NRG2: variants seen among roughly 807,000 people sequenced by gnomAD.
NRG2 encodes neuregulin 2.
A neutral mutation model predicts 73.9 loss-of-function variants in NRG2; 27 were observed. The observed-to-expected ratio is 0.37, with a 90% CI of 0.27 to 0.50. The LOEUF is 0.50. NRG2 is among the 20% of genes least tolerant of loss of function. The pLI, the probability that NRG2 is intolerant of heterozygous loss-of-function variation, is 0.96. For synonymous variants in NRG2, 532 were observed against 541.0 expected (o/e 0.98, Z 0.23); for missense variants, 1,126 against 1,210.1 (o/e 0.93, Z 1.03).
intron 1 of NRG2, among the ~76,000 whole-genome samples, chr5:139,896,496 T>C (rs1764549612): frequency 6.6e-6 from 1 of 152,100 alleles, no homozygotes; most frequent in South Asian, 2.1e-4. Context: ...AATGTGGTCC[T>C]TGTGGTCCTG....
intron 1 of NRG2, among the ~76,000 whole-genome samples, chr5:139,977,788 C>T (rs1331897934): frequency 9.2e-5 from 14 of 152,170 alleles, no homozygotes; most frequent in Non-Finnish European, 1.2e-4. Flanking sequence ...GAAATAATGC[C>T]GCGTATCTAC....
chr5:140,041,368 A>G (rs1038318028), intron 1 of NRG2, among the ~76,000 whole-genome samples: 1 of 152,246 alleles, frequency 6.6e-6, no homozygotes, highest in Non-Finnish European at 1.5e-5. Flanking sequence ...GATTTGAAAT[A>G]TCTTACTAAG....
rs1343634150 is a variant in NRG2 at position 139,915,752 on chromosome 5, A to G, written c.701-28241T>C. Among the ~76,000 whole-genome samples, 4 of 152,266 alleles carry G rather than the reference A, an allele frequency of 2.6e-5. No individual in the cohort carries two copies. The highest frequency in any genetic ancestry group is 5.9e-5 in the Non-Finnish European group (4 of 68,042). On this transcript the variant is annotated intron_variant, in intron 1 of 9. Coordinates refer to ENST00000361474, the MANE Select transcript of NRG2 (RefSeq NM_004883.3). This position sits in a 1 kb window ranked among gnomAD's most constrained non-coding sequence, Gnocchi z 4.0. The stretch of plus-strand genomic sequence containing the variant: ...GTAAATTCTAGACGATCAGCTAGTT[A>G]AAATGAAAGGAAGGATCATGGTGAC...
intron 4 of NRG2, 98 bp downstream of exon 4, chr5:139,871,623 C>G: frequency 1.3e-6 from 2 of 1,512,784 alleles, no homozygotes; most frequent in Non-Finnish European, 1.8e-6. Flanking sequence ...GACCTCTTGT[C>G]AGTGGCTTGG....
intron 1 of NRG2, among the ~76,000 whole-genome samples, chr5:139,992,558 C>T (rs911101934): frequency 1.3e-5 from 2 of 152,116 alleles, no homozygotes; most frequent in Non-Finnish European, 2.9e-5. Context: ...ACTAACACGT[C>T]CTTATGTAGA....
Position 140,029,687 on chromosome 5 carries a change from C to CAAAAAAAAAA in NRG2, c.700+12673_700+12682dup, listed in dbSNP as rs34122778. 3.3e-3 allele frequency among the ~76,000 whole-genome samples: 204 copies of CAAAAAAAAAA among 61,206 alleles called. 11 individuals carry two copies. Among genetic ancestry groups the CAAAAAAAAAA allele is most frequent in the African/African-American group, 4.2e-3 (77 of 18,464 alleles). The allele number at this position is 61,206 out of a possible 152,430, so 40.2% of individuals were successfully genotyped here. A position where few individuals can be genotyped will look rare whatever the true frequency, so the allele number is the denominator to read the frequency against. ...TGGGTGACAGAGCAAGACTCTGTCT[C>CAAAAAAAAAA]AAAAAAAAAAAAAAAAGCTCCAGCG... On this transcript the variant is annotated intron_variant, in intron 1 of 9. Transcript: ENST00000361474.
chr5:140,033,998 A>G (rs1258468727), intron 1 of NRG2, among the ~76,000 whole-genome samples: 2 of 150,460 alleles, frequency 1.3e-5, no homozygotes, highest in Non-Finnish European at 3.0e-5. Flanking sequence ...TCGCTCTATC[A>G]CCCAGGCTGC....
intron 1 of NRG2, among the ~76,000 whole-genome samples, chr5:139,890,362 A>G (rs563654657): frequency 3.9e-5 from 6 of 152,218 alleles, no homozygotes; most frequent in African/African-American, 1.4e-4. Context: ...TATAAATATT[A>G]AGGCTATTAA....
intron 1 of NRG2, among the ~76,000 whole-genome samples, chr5:140,018,416 A>C (rs1404280482): frequency 6.6e-6 from 1 of 152,226 alleles, no homozygotes; most frequent in African/African-American, 2.4e-5. Flanking sequence ...TCGTATGGTA[A>C]CTTTAGAAGA....
chr5:140,038,730 T>C (rs1761690448), intron 1 of NRG2, among the ~76,000 whole-genome samples: 1 of 152,184 alleles, frequency 6.6e-6, no homozygotes, highest in Non-Finnish European at 1.5e-5. Context: ...AAAGATAAGC[T>C]ATTGTTCCTA....
At chr5:139,938,883 G>GGAAAGAAA (rs1376260476) in intron 1 of NRG2, among the ~76,000 whole-genome samples, 1 of 48,168 alleles carries the variant, frequency 2.1e-5, no homozygotes, top group Admixed American at 2.4e-4. Context: ...AGAGAGAGAA[G>GGAAAGAAA]GAAAGAAAGA....
rs76122349 is a variant in NRG2, at chr5:140,014,902, C to T, written c.700+27468G>A. 2.2e-3 allele frequency among the ~76,000 whole-genome samples: 335 copies of T among 152,376 alleles called. 1 individual carries two copies. Among genetic ancestry groups the T allele is most frequent in the African/African-American group, 7.3e-3 (305 of 41,596 alleles). ...CAAGGCCCTATTTGATCTGGCACCACTGCTGCTCTAAACTCCGCTCATTCT... is the reference window on the plus strand; with the variant it reads ...CAAGGCCCTATTTGATCTGGCACCATTGCTGCTCTAAACTCCGCTCATTCT... On this transcript the variant is annotated intron_variant, in intron 1 of 9. Transcript: ENST00000361474.
At chr5:139,874,976 A>G (rs1179621487) in intron 3 of NRG2, among the ~76,000 whole-genome samples, 1 of 152,208 alleles carries the variant, frequency 6.6e-6, no homozygotes, top group African/African-American at 2.4e-5. Flanking sequence ...ACTTATAGCT[A>G]TTCTAGCATA....
Position 139,952,594 on chromosome 5 carries a change from G to A in NRG2, c.701-65083C>T, listed in dbSNP as rs897074283. ...TCCCACTAGCCTGTCTGGGCTGGAA[G>A]CAGGGAACCTGATATTTACATACCT... On this transcript the variant is annotated intron_variant, in intron 1 of 9. Transcript: ENST00000361474. Among the ~76,000 whole-genome samples, 4 of 152,218 alleles carry A rather than the reference G, an allele frequency of 2.6e-5. No homozygotes were observed. The South Asian group carries it at 8.3e-4, about 32-fold the overall frequency.
chr5:139,938,953 GAAAGAAAAAA>G (rs1561694120), intron 1 of NRG2, among the ~76,000 whole-genome samples: 43 of 105,276 alleles, frequency 4.1e-4, no homozygotes, highest in African/African-American at 1.7e-3. Context: ...AAGAAAGAAA[GAAAGAAAAAA>G]GAAGGAAGGA....
At chr5:140,014,296 G>C (rs775597648) in intron 1 of NRG2, among the ~76,000 whole-genome samples, 6 of 151,998 alleles carry the variant, frequency 3.9e-5, no homozygotes, top group African/African-American at 9.7e-5. Context: ...CAGTGTAGTG[G>C]TGAAATCTCG....
chr5:140,002,110 G>C (rs1758535126), intron 1 of NRG2, among the ~76,000 whole-genome samples: 1 of 152,084 alleles, frequency 6.6e-6, no homozygotes, highest in Non-Finnish European at 1.5e-5. Flanking sequence ...CTTGAGCCTG[G>C]GAGGTCAAGG....
At chr5:139,855,444 C>T (rs1466960978) in intron 6 of NRG2, among the ~76,000 whole-genome samples, 10 of 152,238 alleles carry the variant, frequency 6.6e-5, no homozygotes, top group African/African-American at 2.2e-4. Flanking sequence ...GTGCTCACAA[C>T]CATTCTTCGT....
intron 1 of NRG2, among the ~76,000 whole-genome samples, chr5:139,908,597 C>T (rs1017072472): frequency 8.5e-5 from 13 of 152,164 alleles, no homozygotes; most frequent in African/African-American, 3.1e-4. Flanking sequence ...TAAGTCAATA[C>T]CTAGTAAGTG....
Sources: gnomAD v4.1 joint callset for allele counts (sites outside exome capture counted in the v4.1 genomes callset) on GRCh38, gnomAD v4.1.1 for gene constraint, Gnocchi (gnomAD v3.1) non-coding constraint, MANE v1.5 for transcripts, NCBI Gene and HGNC (gene_info 2026-07-23, HGNC 2026-07-21) for gene names.